ARHGEF11: variants seen among roughly 807,000 people sequenced by gnomAD.
ARHGEF11 encodes Rho guanine nucleotide exchange factor 11.
ARHGEF11 carries 55 observed loss-of-function variants against 193.7 expected under a neutral mutation model. The ratio of observed to expected loss-of-function variants is 0.28; its 90% CI spans 0.23 to 0.36. ARHGEF11 has a LOEUF of 0.36. Ranked by LOEUF, ARHGEF11 falls within the 10% of genes least tolerant of loss-of-function variation. ARHGEF11 has a pLI of 1.00. For missense variants in ARHGEF11, 1,723 were observed against 2,005.6 expected, an observed-to-expected ratio of 0.86 and a Z score of 2.69; for synonymous variants, 693 against 768.0, an observed-to-expected ratio of 0.90 and a Z score of 1.62.
At chr1:157,004,246 AG>A (rs1667553197) in intron 1 of ARHGEF11, among the ~76,000 whole-genome samples, 1 of 152,188 alleles carries the variant, frequency 6.6e-6, no homozygotes, top group East Asian at 1.9e-4. Context: ...TCAGTTCCAA[AG>A]GAAGGCCTTA....
At chr1:156,942,211 C>T (rs1219980511) in intron 33 of ARHGEF11, among the ~76,000 whole-genome samples, 2 of 152,212 alleles carry the variant, frequency 1.3e-5, no homozygotes, top group Non-Finnish European at 2.9e-5. Flanking sequence ...CTGTGCAAAG[C>T]ATTCTATGTT....
chr1:156,954,616 C>A lies in ARHGEF11; in HGVS notation c.1798+276G>T, dbSNP rs116438455. On this transcript the variant is annotated intron_variant, in intron 21 of 40. Coordinates refer to ENST00000368194, the MANE Select transcript of ARHGEF11 (RefSeq NM_198236.3). ...GAACTACCAGAAGGAGCTGTCCCTGCAGGAGAAGGGGCCTTGCCCCCTGGA... is the reference window on the plus strand; with the variant it reads ...GAACTACCAGAAGGAGCTGTCCCTGAAGGAGAAGGGGCCTTGCCCCCTGGA... Among the ~76,000 whole-genome samples, 1,286 of 152,314 alleles carry A rather than the reference C, an allele frequency of 8.4e-3. 19 individuals are homozygous for A. Among genetic ancestry groups the A allele is most frequent in the African/African-American group, 0.028 (1,161 of 41,566 alleles).
chr1:157,029,637 C>T (rs1011050003), intron 1 of ARHGEF11, among the ~76,000 whole-genome samples: 2 of 152,160 alleles, frequency 1.3e-5, no homozygotes, highest in African/African-American at 4.8e-5. Context: ...CAATTCCCCT[C>T]CTAGGTATAC....
At chr1:157,021,256 G>C (rs1486859151) in intron 1 of ARHGEF11, among the ~76,000 whole-genome samples, 1 of 152,180 alleles carries the variant, frequency 6.6e-6, no homozygotes, top group Non-Finnish European at 1.5e-5. Flanking sequence ...GGGCACTATA[G>C]ACATGCATCC....
chr1:157,006,820 G>A (rs568592930), intron 1 of ARHGEF11, among the ~76,000 whole-genome samples: 171 of 152,344 alleles, frequency 1.1e-3, no homozygotes, highest in African/African-American at 3.8e-3. Context: ...TAAGTGTAAT[G>A]TGCCAGGAGC....
At chr1:156,980,974 T>C (rs1334287944) in intron 3 of ARHGEF11, among the ~76,000 whole-genome samples, 1 of 152,184 alleles carries the variant, frequency 6.6e-6, no homozygotes, top group Non-Finnish European at 1.5e-5. Flanking sequence ...ATTCACATCA[T>C]TAAAGACAAC....
At chr1:156,947,667 C>T (rs544334064) in intron 25 of ARHGEF11, 102 bp downstream of exon 25, 75 of 1,463,734 alleles carry the variant, frequency 5.1e-5, no homozygotes, top group Non-Finnish European at 6.9e-5. Flanking sequence ...CACACAGGGG[C>T]CCCCCACCCT....
chr1:156,971,952 A>G lies in ARHGEF11; in HGVS notation c.583-136T>C, dbSNP rs1264973668. The G allele has an allele frequency of 3.8e-6, 4 of 1,042,274 alleles. No individual in the cohort carries two copies. In the African/African-American group the frequency reaches 6.4e-5, roughly 17 times the overall value. The allele number at this position is 1,042,274 out of a possible 1,614,324, so 64.6% of individuals were successfully genotyped here. On this transcript the variant is annotated intron_variant, in intron 7 of 40. Transcript: ENST00000368194. ...GAGAGAGAAGAGGTCTCTGCCTCCAAGTAGATGCACGGTATTTCAACATCA... is the reference window on the plus strand; with the variant it reads ...GAGAGAGAAGAGGTCTCTGCCTCCAGGTAGATGCACGGTATTTCAACATCA...
At chr1:157,007,630 C>T (rs931254277) in intron 1 of ARHGEF11, among the ~76,000 whole-genome samples, 6 of 152,052 alleles carry the variant, frequency 3.9e-5, no homozygotes, top group African/African-American at 1.2e-4. Context: ...ACAAGGCTAC[C>T]GTACGATTTT....
chr1:156,947,158 C>T, intron 26 of ARHGEF11, 143 bp from the exon 27 acceptor site: 1 of 1,462,366 alleles, frequency 6.8e-7, no homozygotes, highest in Non-Finnish European at 9.4e-7. Context: ...AACTCCAGTG[C>T]TGGTTTCAGG....
intron 1 of ARHGEF11, among the ~76,000 whole-genome samples, chr1:157,002,601 T>C (rs1667343914): frequency 6.6e-6 from 1 of 152,184 alleles, no homozygotes; most frequent in Non-Finnish European, 1.5e-5. Flanking sequence ...TATCAAATCA[T>C]TTCATCCATA....
chr1:156,970,957 A>C (rs1307633969), intron 8 of ARHGEF11, among the ~76,000 whole-genome samples: 1 of 152,210 alleles, frequency 6.6e-6, no homozygotes, highest in African/African-American at 2.4e-5. Flanking sequence ...AAGCAGTTTA[A>C]ATGTATTTGC....
intron 1 of ARHGEF11, among the ~76,000 whole-genome samples, chr1:157,011,631 T>C (rs905310562): frequency 6.6e-6 from 1 of 151,772 alleles, no homozygotes; most frequent in African/African-American, 2.4e-5. Context: ...CTCTTACAAA[T>C]CAACAATAAA....
intron 1 of ARHGEF11, among the ~76,000 whole-genome samples, chr1:157,032,532 TGATTCTAAAG>T (rs1671431115): frequency 6.6e-6 from 1 of 152,190 alleles, no homozygotes. Flanking sequence ...GCTCTCCAGC[TGATTCTAAAG>T]GATTCTAAAG....
At chr1:156,969,872 T>C in intron 9 of ARHGEF11, 126 bp downstream of exon 9, 1 of 931,214 alleles carries the variant, frequency 1.1e-6, no homozygotes, top group Non-Finnish European at 1.7e-6. Context: ...TCTCCCATTA[T>C]TTCATTTCTC....
At position 156,958,852 on chromosome 1, in the gene ARHGEF11, T is replaced by A. The variant is rs778122663; in HGVS notation, c.1392A>T (p.Thr464=). 1.2e-6 allele frequency: 2 copies of A among 1,614,082 alleles called. No individual in the cohort carries two copies. The change falls in exon 17 of 41, where the codon ACA becomes ACT. Residue 464 remains threonine (T), a synonymous_variant. Transcript: ENST00000368194. ...CACCATACAGGCTGCCCAGCCCCAG[T>A]GTGCGCTTCGTTCTAAGCCAGATAA... The part of the protein sequence containing the change: ...EQIHDYRTKR[T]LGLGSLYGEN...
chr1:156,982,782 G>A (rs2102442048), intron 3 of ARHGEF11, among the ~76,000 whole-genome samples: 1 of 152,256 alleles, frequency 6.6e-6, no homozygotes, highest in Middle Eastern at 3.4e-3. Context: ...CACTAACTCT[G>A]TCTCACCCTA....
chr1:156,972,617 A>G (rs1056245768), intron 7 of ARHGEF11, among the ~76,000 whole-genome samples: 1 of 152,230 alleles, frequency 6.6e-6, no homozygotes, highest in African/African-American at 2.4e-5. Flanking sequence ...ATCTAGGCTC[A>G]TCTGGGGCTT....
At chr1:157,006,137 A>C (rs1557940563) in intron 1 of ARHGEF11, among the ~76,000 whole-genome samples, 1 of 146,782 alleles carries the variant, frequency 6.8e-6, no homozygotes, top group Admixed American at 6.8e-5. Context: ...TCACAAATCT[A>C]TTTTTTTTTT....
Sources: allele counts gnomAD v4.1 joint callset (sites outside exome capture counted in the v4.1 genomes callset), GRCh38; gene constraint gnomAD v4.1.1; transcripts MANE v1.5; gene names NCBI Gene and HGNC (gene_info 2026-07-23, HGNC 2026-07-21).